C16orf89: variants seen among roughly 807,000 people sequenced by gnomAD.
C16orf89 encodes the protein UPF0764 protein C16orf89.
A neutral mutation model predicts 41.5 loss-of-function variants in C16orf89; 57 were observed. The observed-to-expected ratio is 1.38, with a 90% CI of 1.11 to 1.71. C16orf89 has a LOEUF of 1.71. C16orf89 is among the 40% of genes most tolerant of loss of function. The pLI is 0.00. For synonymous variants in C16orf89, 223 were observed against 190.6 expected (o/e 1.17, Z -1.40); for missense variants, 575 against 445.9 (o/e 1.29, Z -2.61).
Position 5,044,156 on chromosome 16 carries a change from C to T in C16orf89, c.*192G>A. 8.2e-6 allele frequency: 11 copies of T among 1,348,428 alleles called. No individual in the cohort carries two copies. Among genetic ancestry groups the T allele is most frequent in the Non-Finnish European group, 1.0e-5 (11 of 1,054,310 alleles). The allele number at this position is 1,348,428 out of a possible 1,614,324, so 83.5% of individuals were successfully genotyped here. ...GTTGAACTTTATTCATCCGTTCACA[C>T]CTGGGTCCCTCCCGGCCCCCACCTA... On this transcript the variant is annotated 3_prime_UTR_variant, in exon 8 of 8. Transcript: ENST00000472572.
At chr16:5,053,070 A>C (rs575923726) in intron 6 of C16orf89, among the ~76,000 whole-genome samples, 7 of 152,196 alleles carry the variant, frequency 4.6e-5, no homozygotes, top group Non-Finnish European at 8.8e-5. Flanking sequence ...GGAAGCTAAA[A>C]AAGTTGATCT....
At chr16:5,062,650 A>G (rs188944312) in intron 1 of C16orf89, 76 bp from the exon 2 acceptor site, 12 of 1,361,488 alleles carry the variant, frequency 8.8e-6, no homozygotes, top group Non-Finnish European at 1.2e-5. Context: ...AGAAAAAAAA[A>G]TGCCCCAAAG....
intron 6 of C16orf89, among the ~76,000 whole-genome samples, chr16:5,054,856 C>G (rs183970284): frequency 3.4e-3 from 518 of 152,308 alleles, no homozygotes; most frequent in South Asian, 7.7e-3. Context: ...CTATGTGAGA[C>G]GTCCCTTTCG....
Position 5,048,591 on chromosome 16 carries a change from T to A in C16orf89, c.869-627A>T, listed in dbSNP as rs56772675. ...CCAAGATAAGCAAAAAACTGAGGGA[T>A]TTCATTACCACTAGACTGGCCTTAC... On this transcript the variant is annotated intron_variant, in intron 6 of 7. Coordinates refer to ENST00000472572, the MANE Select transcript of C16orf89 (RefSeq NM_001098514.3). Among the ~76,000 whole-genome samples the A allele has an allele frequency of 5.6e-3, 845 of 152,154 alleles. 15 individuals carry two copies. Among genetic ancestry groups the A allele is most frequent in the African/African-American group, 0.017 (700 of 41,502 alleles).
At chr16:5,043,494 C>G (rs1404342708), downstream of C16orf89, 1 of 152,178 alleles carries the variant, frequency 6.6e-6, no homozygotes, top group Non-Finnish European at 1.5e-5. Context: ...AACCGCTATG[C>G]TATACTGTGT....
intron 2 of C16orf89, 115 bp from the exon 3 acceptor site, chr16:5,060,551 G>T: frequency 8.9e-7 from 1 of 1,127,136 alleles, no homozygotes; most frequent in Non-Finnish European, 1.2e-6. Context: ...TGCAGCTCAG[G>T]GCTCTAAGCC....
At chr16:5,062,330 C>T (rs1326840939) in intron 2 of C16orf89, 95 bp downstream of exon 2, 4 of 1,424,826 alleles carry the variant, frequency 2.8e-6, no homozygotes, top group African/African-American at 2.9e-5. Context: ...TGTCCCAGCC[C>T]AGCCTTGCCC....
chr16:5,047,471 C>G (rs1013118484), intron 7 of C16orf89, among the ~76,000 whole-genome samples: 1 of 144,040 alleles, frequency 6.9e-6, no homozygotes, highest in African/African-American at 2.5e-5. Context: ...TTCTTTCTTT[C>G]TTTTTTTTTT....
intron 3 of C16orf89, 96 bp downstream of exon 3, chr16:5,060,190 T>C (rs1198859827): frequency 3.5e-6 from 5 of 1,415,008 alleles, no homozygotes; most frequent in Non-Finnish European, 4.8e-6. Flanking sequence ...AACCCCTGGC[T>C]TCAGCCCTAG....
At chr16:5,063,107 G>T (rs1956662941) in intron 1 of C16orf89, among the ~76,000 whole-genome samples, 1 of 152,176 alleles carries the variant, frequency 6.6e-6, no homozygotes, top group African/African-American at 2.4e-5. Flanking sequence ...TGAGGTGGGA[G>T]ACAATGGTGA....
At chr16:5,055,752 G>T (rs1157770560) in intron 5 of C16orf89, 2 of 1,533,102 alleles carry the variant, frequency 1.3e-6, no homozygotes, top group Non-Finnish European at 1.7e-6. Context: ...GTCACACAGT[G>T]GCAGGTAAAA....
At chr16:5,052,970 A>T (rs1051745662) in intron 6 of C16orf89, among the ~76,000 whole-genome samples, 3 of 152,246 alleles carry the variant, frequency 2.0e-5, no homozygotes, top group Non-Finnish European at 4.4e-5. Context: ...TCTTTCATTC[A>T]TAGCAACATC....
intron 4 of C16orf89, 152 bp downstream of exon 4, chr16:5,058,341 C>G (rs1596699376): frequency 1.7e-6 from 1 of 598,802 alleles, no homozygotes; most frequent in East Asian, 3.3e-5. Flanking sequence ...CCATGTTGGC[C>G]CAGCTGGTTT....
intron 6 of C16orf89, among the ~76,000 whole-genome samples, chr16:5,049,542 CAA>C (rs1956360171): frequency 6.6e-6 from 1 of 152,242 alleles, no homozygotes; most frequent in East Asian, 1.9e-4. Context: ...AAATCAATAA[CAA>C]GAGGAACTTT....
intron 5 of C16orf89, chr16:5,055,748 C>A (rs1462920523): frequency 1.3e-6 from 2 of 1,533,766 alleles, no homozygotes; most frequent in African/African-American, 1.4e-5. Flanking sequence ...AACTGTCACA[C>A]AGTGGCAGGT....
intron 6 of C16orf89, among the ~76,000 whole-genome samples, chr16:5,054,741 C>T (rs1956457980): frequency 6.6e-6 from 1 of 152,088 alleles, no homozygotes; most frequent in Non-Finnish European, 1.5e-5. Context: ...TCATGGGGGC[C>T]GTTTCCCCCA....
At chr16:5,062,676 G>T (rs1049706437) in intron 1 of C16orf89, 102 bp from the exon 2 acceptor site, 85 of 1,287,246 alleles carry the variant, frequency 6.6e-5, no homozygotes, top group African/African-American at 1.5e-5. Flanking sequence ...TGCTTCCTGG[G>T]AGCCTCTCTG....
chr16:5,056,955 T>C (rs1051900043), intron 4 of C16orf89, among the ~76,000 whole-genome samples: 1 of 152,062 alleles, frequency 6.6e-6, no homozygotes, highest in African/African-American at 2.4e-5. Context: ...AAGAAATATA[T>C]ATGGCCAGGC....
intron 3 of C16orf89, among the ~76,000 whole-genome samples, chr16:5,058,853 C>A (rs1006371462): frequency 2.0e-5 from 3 of 152,086 alleles, no homozygotes; most frequent in African/African-American, 7.2e-5. Context: ...CTGAAACTTC[C>A]TATTGCTCCA....
Sources: allele counts gnomAD v4.1 joint callset (sites outside exome capture counted in the v4.1 genomes callset), GRCh38; gene constraint gnomAD v4.1.1; transcripts MANE v1.5; gene names NCBI Gene and HGNC (gene_info 2026-07-23, HGNC 2026-07-21).